Variants in BNC2 observed in about 807,000 individuals in gnomAD.
The protein encoded by BNC2 is basonuclin zinc finger protein 2.
In BNC2, 20 loss-of-function variants were observed where a neutral mutation model predicts 76.3. That is an observed-to-expected ratio of 0.26 (90% CI 0.18 to 0.38). The LOEUF (loss-of-function observed/expected upper bound fraction) is 0.38, where lower values mean the gene tolerates loss of function less well. Ranked by LOEUF, BNC2 falls within the 10% of genes least tolerant of loss-of-function variation. BNC2 has a pLI of 1.00. For missense variants in BNC2, 1,382 were observed against 1,399.8 expected (o/e 0.99, Z 0.20); for synonymous variants, 582 against 514.8 (o/e 1.13, Z -1.77).
chr9:16,729,918 T>C (rs1276361199), intron 2 of BNC2, among the ~76,000 whole-genome samples: 1 of 152,096 alleles, frequency 6.6e-6, no homozygotes, highest in Non-Finnish European at 1.5e-5. Flanking sequence ...TCCTCCTCCT[T>C]CCACTCAGGC....
intron 1 of BNC2, among the ~76,000 whole-genome samples, chr9:16,823,215 T>A (rs1427296242): frequency 6.6e-6 from 1 of 152,190 alleles, no homozygotes; most frequent in Non-Finnish European, 1.5e-5. Flanking sequence ...CTTCAGTGAC[T>A]TTCTAACCAA....
chr9:16,496,129 T>G (rs1472677661), intron 5 of BNC2, among the ~76,000 whole-genome samples: 3 of 151,856 alleles, frequency 2.0e-5, no homozygotes, highest in Admixed American at 2.0e-4. Context: ...GGCTGGTCTC[T>G]AACTCCTGAC....
intron 5 of BNC2, among the ~76,000 whole-genome samples, chr9:16,539,839 G>T (rs1023880804): frequency 1.3e-5 from 2 of 150,432 alleles, no homozygotes; most frequent in Non-Finnish European, 3.0e-5. Context: ...GAAGGGAAGG[G>T]AAGGGAAGGG....
chr9:16,759,753 T>C (rs1004720484), intron 1 of BNC2, among the ~76,000 whole-genome samples: 18 of 149,782 alleles, frequency 1.2e-4, no homozygotes, highest in African/African-American at 4.2e-4. Flanking sequence ...ACACAGAGTC[T>C]CGCTCTGTCG....
chr9:16,524,222 T>G (rs2132117345), intron 5 of BNC2, among the ~76,000 whole-genome samples: 1 of 152,340 alleles, frequency 6.6e-6, no homozygotes, highest in East Asian at 1.9e-4. Flanking sequence ...TTGAAACTGC[T>G]ACCAGTGTTA....
At chr9:16,582,786 C>A (rs1349961889) in intron 4 of BNC2, among the ~76,000 whole-genome samples, 197 bp downstream of exon 4, 1 of 152,124 alleles carries the variant, frequency 6.6e-6, no homozygotes, top group African/African-American at 2.4e-5. Flanking sequence ...TCGCCTAGCT[C>A]CTTGGAGCTG....
At chr9:16,725,976 T>C (rs1824303516) in intron 3 of BNC2, among the ~76,000 whole-genome samples, 1 of 109,944 alleles carries the variant, frequency 9.1e-6, no homozygotes, top group African/African-American at 3.8e-5. Context: ...TAAGCCAATC[T>C]TCCCTTCTAA....
intron 3 of BNC2, among the ~76,000 whole-genome samples, chr9:16,697,549 C>T (rs1823375798): frequency 6.6e-6 from 1 of 151,840 alleles, no homozygotes; most frequent in African/African-American, 2.4e-5. Context: ...TAGCAAAACC[C>T]CATCTCTACT....
chr9:16,689,980 A>G (rs1823106302), intron 3 of BNC2, among the ~76,000 whole-genome samples: 1 of 152,248 alleles, frequency 6.6e-6, no homozygotes, highest in Admixed American at 6.5e-5. Flanking sequence ...AAATAAATGA[A>G]TACAAAAGCA....
intron 5 of BNC2, among the ~76,000 whole-genome samples, chr9:16,437,857 A>G (rs1821051730): frequency 6.6e-6 from 1 of 152,228 alleles, no homozygotes; most frequent in Admixed American, 6.5e-5. Context: ...TATTTAGCAT[A>G]TATTAGTATA....
intron 3 of BNC2, among the ~76,000 whole-genome samples, chr9:16,678,383 C>G (rs887675534): frequency 4.1e-5 from 6 of 147,100 alleles, no homozygotes; most frequent in African/African-American, 1.0e-4. Context: ...ATTCTCGTGC[C>G]TCAGCCTCCA....
intron 4 of BNC2, among the ~76,000 whole-genome samples, chr9:16,574,121 G>C (rs1217634901): frequency 3.9e-5 from 6 of 152,156 alleles, no homozygotes. Flanking sequence ...AGTAAAAGGA[G>C]AGGAGTTGAG....
At chr9:16,555,038 A>G (rs575340057) in intron 4 of BNC2, among the ~76,000 whole-genome samples, 7,852 of 150,270 alleles carry the variant, frequency 0.052, 768 homozygotes, top group African/African-American at 0.19. Flanking sequence ...ATTATTTTTT[A>G]AGACGGAGTC....
At chr9:16,643,220 C>T (rs1014550910) in intron 3 of BNC2, among the ~76,000 whole-genome samples, 14 of 150,942 alleles carry the variant, frequency 9.3e-5, no homozygotes, top group African/African-American at 3.4e-4. Context: ...GCAGGAGAAT[C>T]GCTTGAACCT....
At chr9:16,462,808 CTTTG>C (rs1821614783) in intron 5 of BNC2, among the ~76,000 whole-genome samples, 2 of 152,092 alleles carry the variant, frequency 1.3e-5, no homozygotes, top group African/African-American at 4.8e-5. Context: ...TCTTTCTGTT[CTTTG>C]TTTTTGTGTA....
intron 5 of BNC2, among the ~76,000 whole-genome samples, chr9:16,473,599 G>C (rs1372407776): frequency 2.0e-5 from 3 of 152,148 alleles, no homozygotes; most frequent in Non-Finnish European, 4.4e-5. Flanking sequence ...ATGGGACCGG[G>C]CGTGGTGGCT....
At chr9:16,699,965 A>C (rs1331355689) in intron 3 of BNC2, among the ~76,000 whole-genome samples, 1 of 152,234 alleles carries the variant, frequency 6.6e-6, no homozygotes, top group Non-Finnish European at 1.5e-5. Context: ...TTTTACAAGC[A>C]ATTTATTTAA....
chr9:16,854,354 C>A (rs1410442998), intron 1 of BNC2, among the ~76,000 whole-genome samples: 1 of 152,100 alleles, frequency 6.6e-6, no homozygotes, highest in Non-Finnish European at 1.5e-5. Context: ...CTAATCTTAA[C>A]CCTTATTTTA....
intron 1 of BNC2, among the ~76,000 whole-genome samples, chr9:16,811,829 G>C (rs1479467826): frequency 2.0e-5 from 3 of 152,190 alleles, no homozygotes; most frequent in Non-Finnish European, 2.9e-5. Context: ...TAAAACATTG[G>C]TGGGCCTGAT....
Sources: gnomAD v4.1 joint callset for allele counts (sites outside exome capture counted in the v4.1 genomes callset) on GRCh38, gnomAD v4.1.1 for gene constraint, MANE v1.5 for transcripts, NCBI Gene and HGNC (gene_info 2026-07-23, HGNC 2026-07-21) for gene names.